The following NRXN3 variants were observed in gnomAD, a reference collection of about 807,000 sequenced individuals.
NRXN3 encodes neurexin 3.
NRXN3 carries 32 observed loss-of-function variants against 137.6 expected under a neutral mutation model. That is an observed-to-expected ratio of 0.23 (90% CI 0.18 to 0.31). The LOEUF (loss-of-function observed/expected upper bound fraction) is 0.31, where lower values mean the gene tolerates loss of function less well. Ranked by LOEUF, NRXN3 falls within the 10% of genes least tolerant of loss-of-function variation. The pLI is 1.00. For synonymous variants in NRXN3, 798 were observed against 784.5 expected, an observed-to-expected ratio of 1.02 and a Z score of -0.29; for missense variants, 1,574 against 2,062.5, an observed-to-expected ratio of 0.76 and a Z score of 4.59.
chr14:78,456,589 C>T (rs1045975138), intron 4 of NRXN3, among the ~76,000 whole-genome samples: 5 of 152,020 alleles, frequency 3.3e-5, no homozygotes, highest in Admixed American at 6.6e-5. Flanking sequence ...TTTCTTCATC[C>T]GGCTTTCTCT....
chr14:79,007,627 A>C (rs1358854605), intron 15 of NRXN3, among the ~76,000 whole-genome samples: 1 of 151,938 alleles, frequency 6.6e-6, no homozygotes, highest in East Asian at 1.9e-4. Context: ...AACACGGTGA[A>C]ACCCCGTCTC....
At chr14:79,808,066 G>A (rs959081786) in intron 20 of NRXN3, among the ~76,000 whole-genome samples, 51 of 151,488 alleles carry the variant, frequency 3.4e-4, no homozygotes, top group African/African-American at 1.2e-3. Flanking sequence ...GTGAAACCCC[G>A]TCTCTACTAA....
chr14:79,393,142 A>G (rs1005694512), intron 15 of NRXN3, among the ~76,000 whole-genome samples: 1 of 152,122 alleles, frequency 6.6e-6, no homozygotes, highest in Non-Finnish European at 1.5e-5. Flanking sequence ...AATAGTTGCC[A>G]TTCTAGATAG....
At chr14:79,684,794 CATGAGAGGA>C (rs966663013) in intron 17 of NRXN3, among the ~76,000 whole-genome samples, 9 of 152,028 alleles carry the variant, frequency 5.9e-5, no homozygotes, top group African/African-American at 2.2e-4. Flanking sequence ...AATAACCAAA[CATGAGAGGA>C]ATGAGAGGAG....
chr14:78,651,157 T>C lies in NRXN3; in HGVS notation c.1060-8T>C. ...GGGATTTTTTTTGTCCCTATGTCCC[T>C]CCACCAGGTGACAATCTCTGTGGAT... On this transcript the variant is annotated splice_region_variant and splice_polypyrimidine_tract_variant and intron_variant, in intron 5 of 20. Transcript: ENST00000335750. 1 of 1,612,518 alleles carries C rather than the reference T, an allele frequency of 6.2e-7. No homozygotes were observed. Among genetic ancestry groups the C allele is most frequent in the Non-Finnish European group, 8.5e-7 (1 of 1,178,744 alleles).
chr14:78,327,481 A>C (rs1265780930), intron 4 of NRXN3, among the ~76,000 whole-genome samples: 1 of 152,184 alleles, frequency 6.6e-6, no homozygotes, highest in African/African-American at 2.4e-5. Flanking sequence ...AGCACCAAAG[A>C]CAGTAAGTTA....
In NRXN3 at chr14:79,605,338, T is replaced by C. The variant is rs183837544; in HGVS notation, c.3445-58440T>C. Among the ~76,000 whole-genome samples, 150 of 152,288 alleles carry C rather than the reference T, an allele frequency of 9.8e-4. 2 individuals are homozygous for C. Among genetic ancestry groups the C allele is most frequent in the Admixed American group, 3.5e-3 (53 of 15,296 alleles). On this transcript the variant is annotated intron_variant, in intron 16 of 20. Coordinates refer to ENST00000335750, the MANE Select transcript of NRXN3 (RefSeq NM_001330195.2). ...GATCACACACTATTTTCATCAGAAATTTTAATAAAATTATTTTTTTCTCAG... is the reference window on the plus strand; with the variant it reads ...GATCACACACTATTTTCATCAGAAACTTTAATAAAATTATTTTTTTCTCAG...
chr14:79,848,722 C>T (rs1321035052), intron 20 of NRXN3, among the ~76,000 whole-genome samples: 3 of 152,158 alleles, frequency 2.0e-5, no homozygotes, highest in Non-Finnish European at 4.4e-5. Flanking sequence ...TGGCCCCTCA[C>T]CTCACCATCT....
At chr14:78,482,125 ACTTT>A (rs2095482730) in intron 4 of NRXN3, among the ~76,000 whole-genome samples, 1 of 152,132 alleles carries the variant, frequency 6.6e-6, no homozygotes, top group South Asian at 2.1e-4. Flanking sequence ...CAAGTGCAAA[ACTTT>A]GGATGTATTT....
At chr14:79,639,732 C>G (rs1419553814) in intron 16 of NRXN3, among the ~76,000 whole-genome samples, 1 of 152,026 alleles carries the variant, frequency 6.6e-6, no homozygotes, top group African/African-American at 2.4e-5. Context: ...TTGAGTAACC[C>G]GAAGTAGCTA....
intron 4 of NRXN3, among the ~76,000 whole-genome samples, chr14:78,402,921 T>TCTCTCCCTGTGAGAGGTTATGGGTAAC (rs2092208178): frequency 6.6e-6 from 1 of 152,312 alleles, no homozygotes; most frequent in African/African-American, 2.4e-5. Flanking sequence ...CAAATGATGC[T>TCTCTCCCTGTGAGAGGTTATGGGTAAC]CTCTCCCTGT....
intron 17 of NRXN3, among the ~76,000 whole-genome samples, chr14:79,683,616 T>C (rs74063913): frequency 0.062 from 9,478 of 152,256 alleles, 364 homozygotes; most frequent in Middle Eastern, 0.16. Flanking sequence ...CAGAATTTGA[T>C]AGCAGCTTAG....
At chr14:79,651,778 C>T (rs2098477254) in intron 16 of NRXN3, among the ~76,000 whole-genome samples, 1 of 152,140 alleles carries the variant, frequency 6.6e-6, no homozygotes, top group South Asian at 2.1e-4. Context: ...AAGTGTGCCT[C>T]ATTGAGCTTT....
At chr14:78,845,074 G>T (rs1199725513) in intron 10 of NRXN3, among the ~76,000 whole-genome samples, 1 of 151,810 alleles carries the variant, frequency 6.6e-6, no homozygotes, top group Non-Finnish European at 1.5e-5. Context: ...AAAAAAAACT[G>T]TTGCAATGAT....
At chr14:78,186,993 T>C (rs755242033) in intron 1 of NRXN3, among the ~76,000 whole-genome samples, 1 of 152,220 alleles carries the variant, frequency 6.6e-6, no homozygotes, top group African/African-American at 2.4e-5. Context: ...CAGGACTATC[T>C]TGGACATGTG....
chr14:78,237,919 G>A (rs1449402151), intron 1 of NRXN3, among the ~76,000 whole-genome samples: 4 of 152,178 alleles, frequency 2.6e-5, no homozygotes, highest in African/African-American at 4.8e-5. Context: ...TGGGATGCCC[G>A]CAAAGGCTGG....
chr14:78,444,489 C>T (rs1236399712), intron 4 of NRXN3, among the ~76,000 whole-genome samples: 1 of 152,120 alleles, frequency 6.6e-6, no homozygotes, highest in Non-Finnish European at 1.5e-5. Flanking sequence ...ATCTACAGCC[C>T]CTTGTTGCTT....
chr14:79,490,038 CAAAAAA>C (rs370581169), intron 16 of NRXN3, among the ~76,000 whole-genome samples: 1 of 72,856 alleles, frequency 1.4e-5, no homozygotes, highest in African/African-American at 5.0e-5. Context: ...TACTCCATCT[CAAAAAA>C]AAAAAAAAAA....
At chr14:79,077,894 G>A (rs1003295022) in intron 15 of NRXN3, among the ~76,000 whole-genome samples, 3 of 151,952 alleles carry the variant, frequency 2.0e-5, no homozygotes, top group Non-Finnish European at 2.9e-5. Flanking sequence ...TATAAGTAAG[G>A]TTTACTTATA....
Sources: gnomAD v4.1 joint callset for allele counts (sites outside exome capture counted in the v4.1 genomes callset) on GRCh38, gnomAD v4.1.1 for gene constraint, MANE v1.5 for transcripts, NCBI Gene and HGNC (gene_info 2026-07-23, HGNC 2026-07-21) for gene names.